The following HSD17B12 variants were observed in gnomAD, a reference collection of about 807,000 sequenced individuals.
HSD17B12 encodes the protein hydroxysteroid 17-beta dehydrogenase 12.
HSD17B12 carries 32 observed loss-of-function variants against 39.3 expected under a neutral mutation model. That is an observed-to-expected ratio of 0.81 (90% CI 0.61 to 1.09). The LOEUF is 1.09. Among genes scored for constraint, HSD17B12 ranks in the 50% least tolerant of loss-of-function variants. The pLI is 0.00. For synonymous variants in HSD17B12, 150 were observed against 146.7 expected, an observed-to-expected ratio of 1.02 and a Z score of -0.16; for missense variants, 342 against 382.9, an observed-to-expected ratio of 0.89 and a Z score of 0.89.
chr11:43,639,246 C>T, the HSD17B12 span, among the ~76,000 whole-genome samples: 187 of 152,340 alleles, frequency 1.2e-3, 1 homozygote, highest in Non-Finnish European at 1.9e-3. Flanking sequence ...ATTAGAGGCT[C>T]TCCATATTGG....
At chr11:43,722,936 T>A (rs1397901701) in intron 1 of HSD17B12, among the ~76,000 whole-genome samples, 1 of 152,200 alleles carries the variant, frequency 6.6e-6, no homozygotes, top group African/African-American at 2.4e-5. Context: ...TGTCATTTAC[T>A]TTTTGCAAAG....
chr11:43,657,031 A>T, the HSD17B12 span, among the ~76,000 whole-genome samples: 2 of 152,098 alleles, frequency 1.3e-5, no homozygotes, highest in African/African-American at 2.4e-5. Flanking sequence ...ATTGTGTGGG[A>T]GTCTAAGTCT....
the HSD17B12 span, chr11:43,559,816 A>G: frequency 6.4e-6 from 1 of 155,936 alleles, no homozygotes; most frequent in Admixed American, 6.5e-5. Context: ...ATGAAGTCCG[A>G]CTTTTATCTT....
At chr11:43,658,452 G>A in the HSD17B12 span, among the ~76,000 whole-genome samples, 1 of 152,166 alleles carries the variant, frequency 6.6e-6, no homozygotes, top group Non-Finnish European at 1.5e-5. Context: ...GCGTTTCTTT[G>A]GAGGAGGAGA....
the HSD17B12 span, among the ~76,000 whole-genome samples, chr11:43,601,153 G>A: frequency 6.6e-6 from 1 of 151,164 alleles, no homozygotes; most frequent in Non-Finnish European, 1.5e-5. Context: ...CCTTAGAGCT[G>A]CAAGCTGCTA....
the HSD17B12 span, among the ~76,000 whole-genome samples, chr11:43,616,797 T>C: frequency 1.8e-4 from 11 of 59,710 alleles, no homozygotes; most frequent in Non-Finnish European, 2.7e-4. Context: ...GTGCCCAAAC[T>C]AAAAAAAAAA....
chr11:43,632,671 G>T, the HSD17B12 span, among the ~76,000 whole-genome samples: 1 of 152,136 alleles, frequency 6.6e-6, no homozygotes, highest in Non-Finnish European at 1.5e-5. Context: ...GATTCCAGTG[G>T]CCCATGCTGC....
intron 3 of HSD17B12, among the ~76,000 whole-genome samples, chr11:43,764,951 C>T (rs1461426289): frequency 6.6e-6 from 1 of 152,002 alleles, no homozygotes; most frequent in Non-Finnish European, 1.5e-5. Context: ...TTTTTGTTTG[C>T]TATTTATTCT....
chr11:43,624,066 AT>A, the HSD17B12 span, among the ~76,000 whole-genome samples: 20 of 151,840 alleles, frequency 1.3e-4, no homozygotes, highest in Non-Finnish European at 2.7e-4. Context: ...GGAAAAAAAA[AT>A]CTTCTACCTA....
intron 3 of HSD17B12, among the ~76,000 whole-genome samples, chr11:43,783,743 C>T (rs2135016300): frequency 6.6e-6 from 1 of 152,146 alleles, no homozygotes; most frequent in South Asian, 2.1e-4. Context: ...CTGCAAAGGA[C>T]ATGAACACAT....
the HSD17B12 span, among the ~76,000 whole-genome samples, chr11:43,617,088 A>AC: frequency 6.6e-6 from 1 of 151,776 alleles, no homozygotes; most frequent in Non-Finnish European, 1.5e-5. Context: ...AGAGATGGAC[A>AC]CTCTATTGGT....
At chr11:43,745,060 C>A (rs991109178) in intron 1 of HSD17B12, among the ~76,000 whole-genome samples, 6 of 152,184 alleles carry the variant, frequency 3.9e-5, no homozygotes, top group Non-Finnish European at 8.8e-5. Context: ...TGATTGAGTA[C>A]CTCTTTGCCG....
the HSD17B12 span, among the ~76,000 whole-genome samples, chr11:43,622,070 C>A: frequency 6.6e-6 from 1 of 152,170 alleles, no homozygotes; most frequent in African/African-American, 2.4e-5. Context: ...AGCTGATGCA[C>A]CAGCCTTTTC....
Position 43,731,487 on chromosome 11 carries a change from G to A in HSD17B12, c.161-19424G>A, listed in dbSNP as rs1372550999. Among the ~76,000 whole-genome samples, 9 of 152,124 alleles carry A rather than the reference G, an allele frequency of 5.9e-5. No individual in the cohort carries two copies. In the East Asian group the frequency reaches 1.5e-3, roughly 26 times the overall value. ...CTGAGTTATATACAGTATTTCAAGG[G>A]CACTTGTGTAGTAGACAACGATTGT... On this transcript the variant is annotated intron_variant, in intron 1 of 10. Transcript: ENST00000278353.
At chr11:43,847,601 G>T in intron 9 of HSD17B12, among the ~76,000 whole-genome samples, 1 of 151,732 alleles carries the variant, frequency 6.6e-6, no homozygotes, top group Admixed American at 6.6e-5. Context: ...CAGCCACTCA[G>T]GAAGCTGAGA....
At chr11:43,807,254 G>T (rs934164991) in intron 4 of HSD17B12, among the ~76,000 whole-genome samples, 1 of 152,196 alleles carries the variant, frequency 6.6e-6, no homozygotes, top group Admixed American at 6.5e-5. Flanking sequence ...TGTAATGAAG[G>T]AGAATGTTAC....
chr11:43,729,082 ACC>A (rs1208367830), intron 1 of HSD17B12, among the ~76,000 whole-genome samples: 1 of 152,194 alleles, frequency 6.6e-6, no homozygotes, highest in Non-Finnish European at 1.5e-5. Flanking sequence ...GCTGCCACAT[ACC>A]AGCATCTTAA....
the HSD17B12 span, among the ~76,000 whole-genome samples, chr11:43,651,302 CT>C: frequency 1.3e-5 from 2 of 152,174 alleles, no homozygotes; most frequent in Non-Finnish European, 2.9e-5. Context: ...ATTCATCATA[CT>C]TTCTGTGCTG....
chr11:43,602,777 A>T, the HSD17B12 span, among the ~76,000 whole-genome samples: 1,143 of 152,158 alleles, frequency 7.5e-3, 7 homozygotes, highest in Middle Eastern at 0.02. Context: ...TTGTGGATTT[A>T]TGCACCAAGA....
Sources: allele counts gnomAD v4.1 joint callset (sites outside exome capture counted in the v4.1 genomes callset), GRCh38; gene constraint gnomAD v4.1.1; transcripts MANE v1.5; gene names NCBI Gene and HGNC (gene_info 2026-07-23, HGNC 2026-07-21).